MYB: variants seen among roughly 807,000 people sequenced by gnomAD.
MYB encodes the protein transcriptional activator Myb.
Under a neutral mutation model 92.9 loss-of-function variants are expected in MYB, and 28 were observed. The observed-to-expected ratio is 0.30, with a 90% CI of 0.22 to 0.41. The LOEUF is 0.41. MYB is among the 10% of genes least tolerant of loss of function. The probability of loss-of-function intolerance (pLI) is 1.00; values close to 1 mark genes in which losing one functional copy is unlikely to be tolerated. For synonymous variants in MYB, 295 were observed against 329.1 expected (o/e 0.90, Z 1.12); for missense variants, 679 against 929.3 (o/e 0.73, Z 3.50).
At chr6:135,210,319 C>T (rs894141477) in intron 15 of MYB, among the ~76,000 whole-genome samples, 3 of 152,088 alleles carry the variant, frequency 2.0e-5, no homozygotes, top group Admixed American at 6.6e-5. Flanking sequence ...GCCTCTTTTT[C>T]GTAACCACAG....
At chr6:135,185,108 T>C (rs1487009601) in intron 1 of MYB, among the ~76,000 whole-genome samples, 1 of 152,180 alleles carries the variant, frequency 6.6e-6, no homozygotes, top group African/African-American at 2.4e-5. Context: ...TTATAATATT[T>C]CAAACACCAT....
chr6:135,194,508 C>T (rs556199430), intron 8 of MYB, 48 bp downstream of exon 8: 21 of 1,337,100 alleles, frequency 1.6e-5, no homozygotes, highest in South Asian at 1.3e-4. Context: ...AGCTTTGCCT[C>T]AGTTTACCTA....
rs1780694062 is a variant in MYB, at chr6:135,218,063, T to C, written c.*83T>C. On this transcript the variant is annotated 3_prime_UTR_variant, in exon 16 of 16. Transcript: ENST00000341911. ...TCATTCCTCAACATGAAACTTTTCATGAATGGGAGAAGAACCTATTTTTGT... is the reference window on the plus strand; with the variant it reads ...TCATTCCTCAACATGAAACTTTTCACGAATGGGAGAAGAACCTATTTTTGT... 6 of 1,101,666 alleles carry C rather than the reference T, an allele frequency of 5.4e-6. No individual in the cohort carries two copies. The highest frequency in any genetic ancestry group is 5.1e-5 in the South Asian group (4 of 79,044). The allele number at this position is 1,101,666 out of a possible 1,614,324, so 68.2% of individuals were successfully genotyped here. A position where few individuals can be genotyped will look rare whatever the true frequency, so the allele number is the denominator to read the frequency against.
chr6:135,193,075 A>G (rs550066167), intron 6 of MYB, among the ~76,000 whole-genome samples: 41 of 152,312 alleles, frequency 2.7e-4, no homozygotes, highest in Admixed American at 6.5e-4. Context: ...GTAAGTGTTT[A>G]CCTTCTTACT....
intron 15 of MYB, among the ~76,000 whole-genome samples, chr6:135,205,784 A>G (rs1169262899): frequency 6.6e-6 from 1 of 152,244 alleles, no homozygotes; most frequent in Admixed American, 6.5e-5. Flanking sequence ...ATAATCTGCT[A>G]TAAAGCCAGG....
Position 135,193,888 on chromosome 6 carries a change from T to C in MYB, c.813T>C (p.Asn271=). The change falls in exon 7 of 16, where the codon AAT becomes AAC. Residue 271 remains asparagine, a synonymous_variant. Transcript: ENST00000341911. ...YPVALHVNIV[N]VPQPAAAAIQ... is the part of the protein sequence containing the mutation. ...TAGCGTTACATGTAAATATAGTCAA[T>C]GTCCCTCAGCCAGCTGCCGCAGCCA... 1.2e-6 allele frequency: 2 copies of C among 1,613,084 alleles called. No homozygotes were observed. Among genetic ancestry groups the C allele is most frequent in the East Asian group, 2.2e-5 (1 of 44,880 alleles).
rs757283751 is a variant in MYB, at chr6:135,186,055, A to T, written c.141+35A>T. On this transcript the variant is annotated intron_variant, in intron 2 of 15. Coordinates refer to ENST00000341911, the MANE Select transcript of MYB (RefSeq NM_001130173.2). The stretch of plus-strand genomic sequence containing the variant: ...CATTTTATCAAGACGCAGAAAATAG[A>T]TAGAGTGTATAATTTATAAAAAACA... The T allele has an allele frequency of 3.8e-6, 6 of 1,569,614 alleles. No homozygotes were observed. In the Admixed American group the frequency reaches 5.0e-5, roughly 13 times the overall value.
chr6:135,208,080 A>G (rs1385375688), intron 15 of MYB, among the ~76,000 whole-genome samples: 1 of 111,208 alleles, frequency 9.0e-6, no homozygotes, highest in Non-Finnish European at 1.8e-5. Context: ...TTTTTTTTTT[A>G]ATTTTTTTTT....
chr6:135,202,583 G>A (rs550796273), intron 14 of MYB: 2 of 174,948 alleles, frequency 1.1e-5, no homozygotes, highest in Non-Finnish European at 2.4e-5. Flanking sequence ...GGTCAGGCTG[G>A]TCTTGAACTC....
Position 135,197,077 on chromosome 6 carries a change from G to C in MYB, c.1320G>C (p.Gly440=). 2 of 1,613,996 alleles carry C rather than the reference G, an allele frequency of 1.2e-6. No individual in the cohort carries two copies. Among genetic ancestry groups the C allele is most frequent in the Non-Finnish European group, 1.7e-6 (2 of 1,179,892 alleles). ...AGCTTCAGCAAAGAGAGGGCAATGG[G>C]ACTAAACCTGCAGGAGAACCTAGCC... ...ALQLQQREGN[G]TKPAGEPSPR... The change falls in exon 10 of 16, where the codon GGG becomes GGC. Residue 440 remains glycine (G), a synonymous_variant. Transcript: ENST00000341911.
chr6:135,187,988 A>G (rs1776139725), intron 3 of MYB, 83 bp downstream of exon 3: 2 of 968,900 alleles, frequency 2.1e-6, no homozygotes, highest in Admixed American at 2.3e-5. Flanking sequence ...AGTTATTAAG[A>G]TAGTGTATAA....
At chr6:135,207,700 C>T (rs1455335370) in intron 15 of MYB, among the ~76,000 whole-genome samples, 1 of 150,428 alleles carries the variant, frequency 6.6e-6, no homozygotes, top group African/African-American at 2.4e-5. Context: ...GTTCTAGAGT[C>T]AACAATTGTT....
At position 135,201,717 on chromosome 6, in the gene MYB, T is replaced by C; in HGVS notation, c.2029T>C (p.Phe677Leu). 1 of 1,552,090 alleles carries C rather than the reference T, an allele frequency of 6.4e-7. No homozygotes were observed. The highest frequency in any genetic ancestry group is 8.8e-7 in the Non-Finnish European group (1 of 1,142,380). ...WEGDSLNTQL[F>L]TQTSPVADAP... is the part of the protein sequence containing the mutation. Reference sequence around the variant, plus strand: ...AGGGGACAGTCTGAATACCCAACTGTTCACGCAGACCTCGCCTGTGGCAGA... The same window carrying C: ...AGGGGACAGTCTGAATACCCAACTGCTCACGCAGACCTCGCCTGTGGCAGA... Residue 677 changes from phenylalanine to leucine, a missense_variant, in exon 14 of 16, where the codon TTC becomes CTC. Phe to Leu is a conservative substitution (Grantham distance 22, BLOSUM62 0). Transcript: ENST00000341911.
At chr6:135,188,865 A>G (rs1370790039) in intron 3 of MYB, among the ~76,000 whole-genome samples, 1 of 152,120 alleles carries the variant, frequency 6.6e-6, no homozygotes, top group Non-Finnish European at 1.5e-5. Context: ...ACTTCCTAAA[A>G]TGCAGCTGTA....
chr6:135,184,845 A>G (rs895925953), intron 1 of MYB, among the ~76,000 whole-genome samples: 1 of 152,198 alleles, frequency 6.6e-6, no homozygotes, highest in Admixed American at 6.5e-5. Context: ...TATTTTTCCT[A>G]TTTTAAGTTT....
intron 14 of MYB, 117 bp from the exon 15 acceptor site, chr6:135,203,100 A>T (rs1021857248): frequency 1.3e-6 from 1 of 793,478 alleles, no homozygotes; most frequent in Non-Finnish European, 2.1e-6. Flanking sequence ...AGATGACTGC[A>T]TTTTTTTATG....
rs1775270859 is a variant in MYB, at chr6:135,182,772, C to G, written c.23+1236C>G. Among the ~76,000 whole-genome samples, 1 of 151,840 alleles carries G rather than the reference C, an allele frequency of 6.6e-6. No individual in the cohort carries two copies. ...CCTGCGGGCGCTGGTCCCCGCGCGG[C>G]GCTGGGAAGTTGCAAAGAGCGTGGG... On this transcript the variant is annotated intron_variant, in intron 1 of 15. Transcript: ENST00000341911. The surrounding 1 kb of genome is among the most constrained non-coding windows in gnomAD (Gnocchi z 5.6).
rs200493203 is a variant in MYB, at chr6:135,218,243, ATT to A, written c.*269_*270del. The A allele has an allele frequency of 3.1e-6, 1 of 323,380 alleles. No homozygotes were observed. Among genetic ancestry groups the A allele is most frequent in the African/African-American group, 2.9e-5 (1 of 34,110 alleles). 20.0% of individuals were successfully genotyped at this position (323,380 alleles called of 1,614,324 possible). Reference sequence around the variant, plus strand: ...GCCAGTTGTTAATATCTTAATGCAGATTTTTTTAAAAAAAACATAAAATGATT... The same window carrying A: ...GCCAGTTGTTAATATCTTAATGCAGATTTTTAAAAAAAACATAAAATGATT... On this transcript the variant is annotated 3_prime_UTR_variant, in exon 16 of 16. Transcript: ENST00000341911.
rs1176021985 is a variant in MYB, at chr6:135,182,323, C to T, written c.23+787C>T. On this transcript the variant is annotated intron_variant, in intron 1 of 15. Transcript: ENST00000341911. The surrounding 1 kb of genome is among the most constrained non-coding windows in gnomAD (Gnocchi z 5.6). ...AGAGGAGGAGGAGGAGGGAAATCCT[C>T]GTCCGAACTGTCAGTTGCTCGTTCC... Among the ~76,000 whole-genome samples the T allele has an allele frequency of 3.9e-5, 6 of 152,322 alleles. No individual in the cohort carries two copies. Among genetic ancestry groups the T allele is most frequent in the Non-Finnish European group, 8.8e-5 (6 of 68,020 alleles).
Sources: gnomAD v4.1 joint callset for allele counts (sites outside exome capture counted in the v4.1 genomes callset) on GRCh38, gnomAD v4.1.1 for gene constraint, Gnocchi (gnomAD v3.1) non-coding constraint, MANE v1.5 for transcripts, NCBI Gene and HGNC (gene_info 2026-07-23, HGNC 2026-07-21) for gene names.